ZMYM2: variants seen among roughly 807,000 people sequenced by gnomAD.
ZMYM2 encodes the protein zinc finger MYM-type containing 2.
In ZMYM2, 56 loss-of-function variants were observed where a neutral mutation model predicts 162.8. That is an observed-to-expected ratio of 0.34 (90% CI 0.28 to 0.43). The LOEUF is 0.43. Among genes scored for constraint, ZMYM2 ranks in the 20% least tolerant of loss-of-function variants. The pLI is 1.00. For synonymous variants in ZMYM2, 510 were observed against 541.6 expected (o/e 0.94, Z 0.81); for missense variants, 1,275 against 1,621.8 (o/e 0.79, Z 3.67).
chr13:20,062,835 A>G lies in ZMYM2; in HGVS notation c.2912-11A>G, dbSNP rs1566430436. 1 of 1,553,514 alleles carries G rather than the reference A, an allele frequency of 6.4e-7. No homozygotes were observed. ...GTTTTGATTCCTAATGATAATATGGATTGATTTCAGGTGTAATTATTGAAA... is the reference window on the plus strand; with the variant it reads ...GTTTTGATTCCTAATGATAATATGGGTTGATTTCAGGTGTAATTATTGAAA... On this transcript the variant is annotated splice_polypyrimidine_tract_variant and intron_variant, in intron 17 of 24. Coordinates refer to ENST00000610343, the MANE Select transcript of ZMYM2 (RefSeq NM_197968.4).
chr13:19,924,597 G>A, the ZMYM2 span, among the ~76,000 whole-genome samples: 1 of 152,138 alleles, frequency 6.6e-6, no homozygotes, highest in Non-Finnish European at 1.5e-5. Flanking sequence ...TCACTTAGCA[G>A]AATGTCCTCA....
At chr13:19,928,058 T>A in the ZMYM2 span, among the ~76,000 whole-genome samples, 1 of 152,076 alleles carries the variant, frequency 6.6e-6, no homozygotes, top group African/African-American at 2.4e-5. Flanking sequence ...CAGGCTGGAG[T>A]GCAGTGGCAA....
At chr13:19,902,342 C>T in the ZMYM2 span, among the ~76,000 whole-genome samples, 1 of 152,146 alleles carries the variant, frequency 6.6e-6, no homozygotes. Flanking sequence ...ATATGCTGGG[C>T]GCGGTGGCTC....
At chr13:19,900,653 T>C in the ZMYM2 span, among the ~76,000 whole-genome samples, 2 of 152,184 alleles carry the variant, frequency 1.3e-5, no homozygotes, top group East Asian at 1.9e-4. Context: ...TAGCTCAATA[T>C]GCCTGATGAA....
chr13:19,953,682 C>CAAAA (rs35266783), upstream of ZMYM2, among the ~76,000 whole-genome samples: 1,408 of 75,190 alleles, frequency 0.019, 73 homozygotes, highest in African/African-American at 0.07. Context: ...GACTCTGTCT[C>CAAAA]AAAAAAAAAA....
chr13:19,888,497 A>T, the ZMYM2 span, among the ~76,000 whole-genome samples: 1 of 151,782 alleles, frequency 6.6e-6, no homozygotes, highest in East Asian at 1.9e-4. Context: ...CTGTGCTTTT[A>T]TTTTATATAG....
the ZMYM2 span, among the ~76,000 whole-genome samples, chr13:19,931,117 T>C: frequency 1.7e-4 from 24 of 141,382 alleles, 1 homozygote; most frequent in Admixed American, 1.3e-3. Flanking sequence ...CCGGCCTGGG[T>C]GAAAGAGCGA....
chr13:19,900,435 A>G, the ZMYM2 span, among the ~76,000 whole-genome samples: 4 of 152,308 alleles, frequency 2.6e-5, no homozygotes, highest in Admixed American at 2.6e-4. Flanking sequence ...TAGGAAGGAG[A>G]TTGAATCAGT....
At chr13:19,896,766 A>G in the ZMYM2 span, among the ~76,000 whole-genome samples, 278 of 149,800 alleles carry the variant, frequency 1.9e-3, 5 homozygotes, top group African/African-American at 6.4e-3. Context: ...ATCTCAAAAA[A>G]AAAAAAAAGA....
intron 9 of ZMYM2, among the ~76,000 whole-genome samples, chr13:20,030,137 C>T (rs1030925537): frequency 6.6e-6 from 1 of 151,878 alleles, no homozygotes; most frequent in African/African-American, 2.4e-5. Flanking sequence ...TAGTAAAATT[C>T]CTCTTATGAA....
At chr13:20,083,201 T>C (rs572002485) in intron 23 of ZMYM2, among the ~76,000 whole-genome samples, 169 bp downstream of exon 23, 1 of 152,304 alleles carries the variant, frequency 6.6e-6, no homozygotes, top group South Asian at 2.1e-4. Context: ...TGGCTGGGAT[T>C]ACAGGCAGGC....
chr13:20,086,731 A>G lies in ZMYM2; in HGVS notation c.*717A>G, dbSNP rs1179267764. The G allele has an allele frequency of 1.2e-5, 2 of 160,016 alleles. No homozygotes were observed. Among genetic ancestry groups the G allele is most frequent in the Non-Finnish European group, 2.6e-5 (2 of 75,834 alleles). 9.9% of individuals were successfully genotyped at this position (160,016 alleles called of 1,614,324 possible). A position where few individuals can be genotyped will look rare whatever the true frequency, so the allele number is the denominator to read the frequency against. The stretch of plus-strand genomic sequence containing the variant: ...TTCTGCATCACCCAATCAATAAAAA[A>G]CAAATATATATATGTATATATATGT... On this transcript the variant is annotated 3_prime_UTR_variant, in exon 25 of 25. Coordinates refer to ENST00000610343, the MANE Select transcript of ZMYM2 (RefSeq NM_197968.4).
intron 13 of ZMYM2, 77 bp from the exon 14 acceptor site, chr13:20,052,200 T>A: frequency 8.1e-7 from 1 of 1,239,906 alleles, no homozygotes. Context: ...ATTGGTGAAA[T>A]TTAATGAGAA....
chr13:19,967,990 A>T (rs1389162574), intron 2 of ZMYM2, among the ~76,000 whole-genome samples: 1 of 152,164 alleles, frequency 6.6e-6, no homozygotes, highest in Non-Finnish European at 1.5e-5. Context: ...CATCGAGATA[A>T]AAATGCTTTA....
the ZMYM2 span, among the ~76,000 whole-genome samples, chr13:19,882,244 C>CAT: frequency 6.6e-6 from 1 of 152,200 alleles, no homozygotes; most frequent in Middle Eastern, 3.4e-3. Context: ...AGACAACCTT[C>CAT]ATAATGGGAG....
chr13:20,005,911 G>C (rs933107512), intron 5 of ZMYM2, among the ~76,000 whole-genome samples: 37 of 151,988 alleles, frequency 2.4e-4, no homozygotes, highest in African/African-American at 8.7e-4. Context: ...ATGTGTTCCT[G>C]TGTGTATAAA....
chr13:20,017,867 T>G (rs998302263), intron 6 of ZMYM2, among the ~76,000 whole-genome samples: 1 of 152,234 alleles, frequency 6.6e-6, no homozygotes, highest in African/African-American at 2.4e-5. Flanking sequence ...TTGTCAGGTA[T>G]TTCCAATATC....
intron 14 of ZMYM2, among the ~76,000 whole-genome samples, chr13:20,056,130 G>A (rs1955776511): frequency 6.6e-6 from 1 of 152,090 alleles, no homozygotes; most frequent in South Asian, 2.1e-4. Flanking sequence ...GCTTGTTATT[G>A]TATACCAATG....
At chr13:20,031,477 G>T in intron 10 of ZMYM2, 42 bp downstream of exon 10, 1 of 1,272,580 alleles carries the variant, frequency 7.9e-7, no homozygotes, top group Non-Finnish European at 1.1e-6. Context: ...ATGCTAAAAA[G>T]AAAGTCTAGT....
Sources: gnomAD v4.1 joint callset for allele counts (sites outside exome capture counted in the v4.1 genomes callset) on GRCh38, gnomAD v4.1.1 for gene constraint, MANE v1.5 for transcripts, NCBI Gene and HGNC (gene_info 2026-07-23, HGNC 2026-07-21) for gene names.